The following MEGF6 variants were observed in gnomAD, a reference collection of about 807,000 sequenced individuals.
MEGF6 encodes the protein multiple EGF like domains 6, also known as multiple epidermal growth factor-like domains protein 6.
MEGF6 carries 184 observed loss-of-function variants against 207.1 expected under a neutral mutation model. The ratio of observed to expected loss-of-function variants is 0.89; its 90% CI spans 0.79 to 1.00. MEGF6 has a LOEUF of 1.00. Among genes scored for constraint, MEGF6 ranks in the 50% least tolerant of loss-of-function variants. MEGF6 has a pLI of 0.00. For missense variants in MEGF6, 2,282 were observed against 2,202.9 expected, an observed-to-expected ratio of 1.04 and a Z score of -0.72; for synonymous variants, 1,038 against 910.0, an observed-to-expected ratio of 1.14 and a Z score of -2.53.
rs201188429 is a variant in MEGF6, at chr1:3,524,232, G to C, written c.496C>G (p.Arg166Gly). Residue 166 changes from arginine to glycine, a missense_variant, in exon 5 of 37, where the codon CGA becomes GGA. Arg to Gly is a moderately radical substitution (Grantham distance 125, BLOSUM62 -2). Coordinates refer to ENST00000356575, the MANE Select transcript of MEGF6 (RefSeq NM_001409.4). ...PRCQYDVDEC[R>G]THNGGCQHRC... ...TGCTGGCAGCCACCGTTGTGGGTTC[G>C]GCATTCGTCCACATCTGAGCAGGAA... 6.2e-7 allele frequency: 1 copy of C among 1,612,344 alleles called. No individual in the cohort carries two copies. The highest frequency in any genetic ancestry group is 2.2e-5 in the East Asian group (1 of 44,868).
rs995194056 is a variant in MEGF6, at chr1:3,501,237, C to T, written c.2386G>A (p.Asp796Asn). Residue 796 changes from aspartate to asparagine, a missense_variant, in exon 19 of 37, where the codon GAC becomes AAC. Coordinates refer to ENST00000356575, the MANE Select transcript of MEGF6 (RefSeq NM_001409.4). ...CPACQHAARCDPETGACLCLP... is the reference protein window; with the variant it reads ...CPACQHAARCNPETGACLCLP... ...CACAGGCAGGCTCCGGTCTCAGGGT[C>T]GCAGCGGGCAGCGTGCTGGCATGCT... The T allele has an allele frequency of 2.9e-5, 47 of 1,611,262 alleles. No homozygotes were observed. The highest frequency in any genetic ancestry group is 5.0e-5 in the Admixed American group (3 of 59,856).
intron 5 of MEGF6, among the ~76,000 whole-genome samples, chr1:3,523,318 G>T (rs984152411): frequency 6.6e-6 from 1 of 152,182 alleles, no homozygotes; most frequent in Non-Finnish European, 1.5e-5. Context: ...GGGTGCCGAA[G>T]GGTGAGGGTG....
Position 3,500,721 on chromosome 1 carries a change from G to A in MEGF6, c.2619C>T (p.Cys873=). The A allele has an allele frequency of 6.3e-7, 1 of 1,597,962 alleles. No individual in the cohort carries two copies. Among genetic ancestry groups the A allele is most frequent in the Non-Finnish European group, 8.5e-7 (1 of 1,172,814 alleles). Residue 873 remains cysteine, a synonymous_variant, in exon 21 of 37, where the codon TGC becomes TGT. Coordinates refer to ENST00000356575, the MANE Select transcript of MEGF6 (RefSeq NM_001409.4). The stretch of plus-strand genomic sequence containing the variant: ...AGCTCCCGTGGCCAGCGCTGCAGTT[G>A]CAGGGGTGGCTGCAGTCAGGTCCCC... ...GHWGPDCSHP[C]NCSAGHGSCD... is the part of the protein sequence containing the mutation.
intron 4 of MEGF6, among the ~76,000 whole-genome samples, chr1:3,549,739 C>T (rs1454239249): frequency 6.6e-6 from 1 of 152,246 alleles, no homozygotes; most frequent in Admixed American, 6.5e-5. Context: ...TTTACCTAGG[C>T]AACACTGCAG....
intron 4 of MEGF6, among the ~76,000 whole-genome samples, chr1:3,562,743 A>G (rs1643238083): frequency 6.6e-6 from 1 of 152,180 alleles, no homozygotes; most frequent in African/African-American, 2.4e-5. Context: ...TCTGAAACCA[A>G]GGGTTGGACA....
the MEGF6 span, chr1:3,623,354 T>G: frequency 1.3e-5 from 2 of 152,386 alleles, no homozygotes; most frequent in African/African-American, 4.8e-5. Flanking sequence ...CAGCACCTGT[T>G]GGATCCGCGG....
At chr1:3,539,819 T>C (rs572494755) in intron 4 of MEGF6, among the ~76,000 whole-genome samples, 3 of 152,148 alleles carry the variant, frequency 2.0e-5, no homozygotes, top group African/African-American at 7.2e-5. Context: ...TCCCAACAGA[T>C]GGCTCCCGGG....
rs1023635144 is a variant in MEGF6 at position 3,496,570 on chromosome 1, C to T, written c.3742+85G>A. On this transcript the variant is annotated intron_variant, in intron 29 of 36. Coordinates refer to ENST00000356575, the MANE Select transcript of MEGF6 (RefSeq NM_001409.4). ...GCTGAAGGGCAGGGAGGTGGGCAGT[C>T]GGGGGCCATCCTCCTGCAGGCTGGC... 3.4e-5 allele frequency: 52 copies of T among 1,528,530 alleles called. No homozygotes were observed. The Middle Eastern group carries it at 5.6e-4, about 16-fold the overall frequency. 94.7% of individuals were successfully genotyped at this position (1,528,530 alleles called of 1,614,324 possible). A position where few individuals can be genotyped will look rare whatever the true frequency, so the allele number is the denominator to read the frequency against.
At chr1:3,607,775 A>G (rs927556222) in intron 1 of MEGF6, among the ~76,000 whole-genome samples, 4 of 152,190 alleles carry the variant, frequency 2.6e-5, no homozygotes, top group African/African-American at 9.7e-5. Flanking sequence ...TACAAAGTGG[A>G]CCTGGTGCAG....
intron 4 of MEGF6, among the ~76,000 whole-genome samples, chr1:3,532,356 G>A (rs1570074844): frequency 1.3e-5 from 2 of 152,314 alleles, no homozygotes; most frequent in Non-Finnish European, 2.9e-5. Context: ...CCTTGGTCGG[G>A]GGTCACTGGG....
At chr1:3,615,821 C>T (rs1644373701), upstream of MEGF6, among the ~76,000 whole-genome samples, 1 of 152,216 alleles carries the variant, frequency 6.6e-6, no homozygotes, top group African/African-American at 2.4e-5. Flanking sequence ...TCGACTGCTT[C>T]AGGCCTGGTG....
intron 4 of MEGF6, among the ~76,000 whole-genome samples, chr1:3,538,572 C>T (rs1642402850): frequency 6.6e-6 from 1 of 152,126 alleles, no homozygotes; most frequent in Admixed American, 6.5e-5. Context: ...CCCAGGTGAG[C>T]CCACGATGGA....
intron 4 of MEGF6, among the ~76,000 whole-genome samples, chr1:3,574,491 C>CCACT (rs1643588192): frequency 6.6e-6 from 1 of 151,620 alleles, no homozygotes; most frequent in African/African-American, 2.4e-5. Context: ...GGAACCCTGA[C>CCACT]CACTCACCTG....
intron 3 of MEGF6, among the ~76,000 whole-genome samples, chr1:3,582,347 G>T (rs540150652): frequency 3.3e-5 from 5 of 152,300 alleles, no homozygotes; most frequent in Admixed American, 3.3e-4. Context: ...CCAGGGGTCT[G>T]GGAGATAGCC....
chr1:3,579,601 C>T lies in MEGF6; in HGVS notation c.481+224G>A, dbSNP rs564526218. Among the ~76,000 whole-genome samples the T allele has an allele frequency of 6.6e-5, 10 of 152,354 alleles. No individual in the cohort carries two copies. The South Asian group carries it at 1.4e-3, about 22-fold the overall frequency. On this transcript the variant is annotated intron_variant, in intron 4 of 36. Coordinates refer to ENST00000356575, the MANE Select transcript of MEGF6 (RefSeq NM_001409.4). ...GCTGAGATGATATGCTTCAGCGCCA[C>T]CCACTGACGGGGGGTCTCTCAGGGT...
chr1:3,595,570 C>G, intron 2 of MEGF6, 123 bp from the exon 3 acceptor site: 1 of 778,716 alleles, frequency 1.3e-6, no homozygotes. Context: ...GGCTGCAGCA[C>G]CAAGGTTCCT....
chr1:3,510,584 C>G (rs985504703), intron 10 of MEGF6, among the ~76,000 whole-genome samples, 199 bp downstream of exon 10: 1 of 149,668 alleles, frequency 6.7e-6, no homozygotes, highest in Non-Finnish European at 1.5e-5. Flanking sequence ...CAGCCCTGCA[C>G]GCAGCAGGCG....
chr1:3,540,854 C>G (rs751141289), intron 4 of MEGF6, among the ~76,000 whole-genome samples: 1 of 152,224 alleles, frequency 6.6e-6, no homozygotes, highest in Admixed American at 6.5e-5. Context: ...GGAGTCCACT[C>G]GAACGCAGGA....
chr1:3,605,829 G>A (rs1644242243), intron 1 of MEGF6, among the ~76,000 whole-genome samples: 1 of 152,222 alleles, frequency 6.6e-6, no homozygotes, highest in Non-Finnish European at 1.5e-5. Flanking sequence ...GAGGCACTGG[G>A]GTGTGGCCCT....
Sources: gnomAD v4.1 joint callset for allele counts (sites outside exome capture counted in the v4.1 genomes callset) on GRCh38, gnomAD v4.1.1 for gene constraint, MANE v1.5 for transcripts, NCBI Gene and HGNC (gene_info 2026-07-23, HGNC 2026-07-21) for gene names.